The following KANK1 variants were observed in gnomAD, a reference collection of about 807,000 sequenced individuals.
The protein encoded by KANK1 is KN motif and ankyrin repeat domain-containing protein 1.
Under a neutral mutation model 106.2 loss-of-function variants are expected in KANK1, and 109 were observed. The observed-to-expected ratio is 1.03, with a 90% CI of 0.88 to 1.20. KANK1 has a LOEUF of 1.20. Ranked by LOEUF, KANK1 falls within the 50% of genes most tolerant of loss-of-function variation. The pLI, the probability that KANK1 is intolerant of heterozygous loss-of-function variation, is 0.00. For synonymous variants in KANK1, 873 were observed against 652.2 expected (o/e 1.34, Z -5.16); for missense variants, 2,399 against 1,710.7 (o/e 1.40, Z -7.10).
chr9:622,565 A>G (rs1833397397), intron 1 of KANK1, among the ~76,000 whole-genome samples: 1 of 152,174 alleles, frequency 6.6e-6, no homozygotes, highest in Non-Finnish European at 1.5e-5. Flanking sequence ...ATAAAATTGG[A>G]CCCTTAACAC....
intron 3 of KANK1, among the ~76,000 whole-genome samples, chr9:496,753 A>T (rs1024530021): frequency 6.6e-6 from 1 of 152,118 alleles, no homozygotes; most frequent in African/African-American, 2.4e-5. Flanking sequence ...TTTGTCCTTT[A>T]TGAAGCCTAA....
At chr9:583,864 C>G (rs995036104) in intron 1 of KANK1, among the ~76,000 whole-genome samples, 120 of 152,020 alleles carry the variant, frequency 7.9e-4, no homozygotes, top group African/African-American at 2.8e-3. Context: ...GCGAAGTGTT[C>G]AACCCCAAAG....
intron 2 of KANK1, among the ~76,000 whole-genome samples, chr9:677,818 G>T (rs893821104): frequency 6.6e-6 from 1 of 152,188 alleles, no homozygotes; most frequent in African/African-American, 2.4e-5. Flanking sequence ...ATATACTGGA[G>T]CAAGTGTAGA....
chr9:690,789 C>G (rs1819723969), intron 2 of KANK1, among the ~76,000 whole-genome samples: 1 of 152,172 alleles, frequency 6.6e-6, no homozygotes, highest in Admixed American at 6.5e-5. Context: ...GTTGAAGTCT[C>G]AAAGTTCCAA....
intron 2 of KANK1, among the ~76,000 whole-genome samples, chr9:700,666 T>C (rs1822439789): frequency 6.6e-6 from 1 of 152,212 alleles, no homozygotes; most frequent in South Asian, 2.1e-4. Context: ...GACTCAGCTC[T>C]TCAAGCAAAA....
intron 2 of KANK1, chr9:684,575 G>GT (rs1818185631): frequency 3.3e-5 from 33 of 985,266 alleles, no homozygotes; most frequent in Non-Finnish European, 3.9e-5. Flanking sequence ...ACTTCTCGTT[G>GT]TGAGTATTGG....
chr9:707,182 C>T lies in KANK1; in HGVS notation c.38-3622C>T, dbSNP rs946518406. The T allele has an allele frequency of 1.3e-5, 13 of 985,700 alleles. No individual in the cohort carries two copies. In the Admixed American group the frequency reaches 1.8e-4, roughly 14 times the overall value. The allele number at this position is 985,700 out of a possible 1,614,324, so 61.1% of individuals were successfully genotyped here. A position where few individuals can be genotyped will look rare whatever the true frequency, so the allele number is the denominator to read the frequency against. ...GATCGAGGGCGCCCGAGGCCGGGTC[C>T]GGCTGAGCTGGAGCGAGCTGTGCGG... On this transcript the variant is annotated intron_variant, in intron 2 of 11. Coordinates refer to ENST00000382297, the MANE Select transcript of KANK1 (RefSeq NM_015158.5).
At chr9:591,098 C>A (rs746878818) in intron 1 of KANK1, among the ~76,000 whole-genome samples, 2 of 151,620 alleles carry the variant, frequency 1.3e-5, no homozygotes, top group Non-Finnish European at 2.9e-5. Context: ...CTGTTCATAT[C>A]CTTTGCCCAT....
chr9:620,763 T>A (rs1248234557), intron 1 of KANK1, among the ~76,000 whole-genome samples: 1 of 152,162 alleles, frequency 6.6e-6, no homozygotes, highest in South Asian at 2.1e-4. Context: ...TAAAAACCAA[T>A]TTTTAAAAAG....
chr9:495,968 A>AAC (rs33961058), intron 3 of KANK1, among the ~76,000 whole-genome samples: 12,546 of 149,680 alleles, frequency 0.084, 1,731 homozygotes, highest in African/African-American at 0.29. Flanking sequence ...AGCATAATTA[A>AAC]ACACACACAC....
At chr9:686,210 A>G (rs1331867590) in intron 2 of KANK1, among the ~76,000 whole-genome samples, 1 of 152,104 alleles carries the variant, frequency 6.6e-6, no homozygotes, top group East Asian at 1.9e-4. Context: ...AAGTCTGTCT[A>G]CCCAACACGG....
chr9:736,669 C>T (rs1388853900), intron 7 of KANK1, among the ~76,000 whole-genome samples: 2 of 151,186 alleles, frequency 1.3e-5, no homozygotes, highest in Non-Finnish European at 2.9e-5. Context: ...CACTGCACTC[C>T]AGCCTGGGAG....
At chr9:589,359 T>C (rs1397092295) in intron 1 of KANK1, among the ~76,000 whole-genome samples, 1 of 152,162 alleles carries the variant, frequency 6.6e-6, no homozygotes, top group Non-Finnish European at 1.5e-5. Context: ...TGATGCTTCA[T>C]AACATCATGA....
Position 731,230 on chromosome 9 carries a change from C to G in KANK1, c.2969C>G (p.Ala990Gly). 6.2e-7 allele frequency: 1 copy of G among 1,609,776 alleles called. No homozygotes were observed. Among genetic ancestry groups the G allele is most frequent in the East Asian group, 2.2e-5 (1 of 44,808 alleles). Residue 990 changes from alanine (A) to glycine (G), a missense_variant, in exon 5 of 12, where the codon GCA becomes GGA. Ala to Gly is a moderately conservative substitution (Grantham distance 60). Transcript: ENST00000382297. ...KKDGNKDSNGAKKNLQFVGIN... is the reference protein window; with the variant it reads ...KKDGNKDSNGGKKNLQFVGIN... ...GATGGTAACAAAGATTCAAATGGCG[C>G]AAAAAAGAATCTTCAGTTTGTTGGC...
At chr9:707,495 TG>T (rs1824707535) in intron 2 of KANK1, among the ~76,000 whole-genome samples, 1 of 150,342 alleles carries the variant, frequency 6.7e-6, no homozygotes, top group African/African-American at 2.5e-5. Flanking sequence ...GAGACAGGTC[TG>T]GCTGCTGCAG....
chr9:523,299 C>G (rs919222775), intron 1 of KANK1, among the ~76,000 whole-genome samples: 2 of 151,658 alleles, frequency 1.3e-5, no homozygotes, highest in African/African-American at 4.9e-5. Context: ...CTTCACTCCC[C>G]TATCTCATAC....
At chr9:641,909 G>C (rs6477069) in intron 1 of KANK1, among the ~76,000 whole-genome samples, 97,186 of 151,966 alleles carry the variant, frequency 0.64, 33,914 homozygotes, top group African/African-American at 0.91. Context: ...GTAACCATTG[G>C]CATAAACAAC....
intron 5 of KANK1, 157 bp from the exon 6 acceptor site, chr9:732,221 G>T (rs971148974): frequency 1.3e-6 from 1 of 781,304 alleles, no homozygotes; most frequent in Non-Finnish European, 2.0e-6. Context: ...AAAACCACCA[G>T]GCATTTAAAT....
intron 1 of KANK1, among the ~76,000 whole-genome samples, chr9:525,770 A>T (rs1407136515): frequency 1.3e-5 from 2 of 151,606 alleles, no homozygotes; most frequent in Non-Finnish European, 2.9e-5. Flanking sequence ...ATATAGGAGA[A>T]TAAGCAGCAA....
Sources: allele counts gnomAD v4.1 joint callset (sites outside exome capture counted in the v4.1 genomes callset), GRCh38; gene constraint gnomAD v4.1.1; transcripts MANE v1.5; gene names NCBI Gene and HGNC (gene_info 2026-07-23, HGNC 2026-07-21).